Variants in BABAM2 observed in about 807,000 individuals in gnomAD.
The protein encoded by BABAM2 is BRISC and BRCA1 A complex member 2, also known as BRISC and BRCA1-A complex member 2.
Under a neutral mutation model 54.7 loss-of-function variants are expected in BABAM2, and 31 were observed. That is an observed-to-expected ratio of 0.57 (90% CI 0.43 to 0.77). The LOEUF (loss-of-function observed/expected upper bound fraction) is 0.77. Ranked by LOEUF, BABAM2 falls within the 30% of genes least tolerant of loss-of-function variation. The probability of loss-of-function intolerance (pLI) is 0.00; values close to 1 mark genes in which losing one functional copy is unlikely to be tolerated. For missense variants in BABAM2, 364 were observed against 455.8 expected, an observed-to-expected ratio of 0.80 and a Z score of 1.83; for synonymous variants, 167 against 162.9, an observed-to-expected ratio of 1.03 and a Z score of -0.19.
At chr2:28,202,836 T>C (rs1364367540) in intron 7 of BABAM2, among the ~76,000 whole-genome samples, 4 of 152,180 alleles carry the variant, frequency 2.6e-5, no homozygotes, top group African/African-American at 9.7e-5. Flanking sequence ...CTGTAAAACA[T>C]TGCCACAAGG....
At chr2:27,960,668 T>C (rs957341766) in intron 3 of BABAM2, among the ~76,000 whole-genome samples, 1 of 152,146 alleles carries the variant, frequency 6.6e-6, no homozygotes, top group African/African-American at 2.4e-5. Context: ...TTCCAACAAC[T>C]TTCTGAGGGC....
intron 10 of BABAM2, among the ~76,000 whole-genome samples, chr2:28,247,081 CAT>C (rs1460709485): frequency 6.6e-6 from 1 of 152,178 alleles, no homozygotes; most frequent in Non-Finnish European, 1.5e-5. Flanking sequence ...TCTTCAGAAA[CAT>C]AGAACCCCCA....
Position 28,040,294 on chromosome 2 carries a change from C to CTTTTTTTTTTTTTTTTTTTTTTT in BABAM2, c.496-5429_496-5407dup, listed in dbSNP as rs397735161. ...CAGTGCCAGAATGAAAAACTGAATT[C>CTTTTTTTTTTTTTTTTTTTTTTT]TTTTTTTTTTTTTTTTTTTTTTTTG... is the stretch of plus-strand genomic sequence containing the variant. On this transcript the variant is annotated intron_variant, in intron 5 of 11. Coordinates refer to ENST00000379624, the MANE Select transcript of BABAM2 (RefSeq NM_199191.3). Among the ~76,000 whole-genome samples, 111 of 59,486 alleles carry CTTTTTTTTTTTTTTTTTTTTTTT rather than the reference C, an allele frequency of 1.9e-3. 18 individuals are homozygous for CTTTTTTTTTTTTTTTTTTTTTTT. Among genetic ancestry groups the CTTTTTTTTTTTTTTTTTTTTTTT allele is most frequent in the South Asian group, 3.8e-3 (3 of 796 alleles). 39.0% of individuals were successfully genotyped at this position (59,486 alleles called of 152,430 possible).
intron 7 of BABAM2, among the ~76,000 whole-genome samples, chr2:28,207,858 G>A (rs995760033): frequency 2.6e-5 from 4 of 152,016 alleles, no homozygotes; most frequent in Admixed American, 2.0e-4. Flanking sequence ...AATTACTGGT[G>A]TGCTTCTCTG....
intron 10 of BABAM2, among the ~76,000 whole-genome samples, chr2:28,278,551 GTGAGTTTGAATATAT>G (rs1293931605): frequency 2.6e-5 from 4 of 152,098 alleles, no homozygotes; most frequent in South Asian, 2.1e-4. Flanking sequence ...AGGAAAGTGA[GTGAGTTTGAATATAT>G]TGAGTTTGAG....
chr2:28,280,981 A>C (rs1686309105), intron 10 of BABAM2, among the ~76,000 whole-genome samples: 1 of 152,188 alleles, frequency 6.6e-6, no homozygotes, highest in South Asian at 2.1e-4. Flanking sequence ...CAGTGTGGCC[A>C]GGGTTAAGGT....
chr2:28,232,502 CGTT>C (rs1681504459), intron 7 of BABAM2, among the ~76,000 whole-genome samples: 2 of 152,282 alleles, frequency 1.3e-5, no homozygotes, highest in African/African-American at 4.8e-5. Flanking sequence ...GCAGTATTGT[CGTT>C]GTGCAAACAT....
chr2:28,061,399 T>TA (rs1174006234), intron 6 of BABAM2, among the ~76,000 whole-genome samples: 1 of 151,556 alleles, frequency 6.6e-6, no homozygotes, highest in Non-Finnish European at 1.5e-5. Context: ...TCCTGGCTAA[T>TA]ACGGTGAAAC....
At chr2:27,912,292 G>A (rs1392453231) in intron 2 of BABAM2, among the ~76,000 whole-genome samples, 1 of 151,702 alleles carries the variant, frequency 6.6e-6, no homozygotes, top group Non-Finnish European at 1.5e-5. Context: ...TTGGAAGCTT[G>A]AATGACTTTG....
intron 7 of BABAM2, among the ~76,000 whole-genome samples, chr2:28,163,699 A>G (rs1269453979): frequency 6.6e-6 from 1 of 152,238 alleles, no homozygotes. Flanking sequence ...ATCTGTCCCC[A>G]TCTTAACACA....
intron 7 of BABAM2, among the ~76,000 whole-genome samples, chr2:28,177,621 A>G (rs113323003): frequency 0.011 from 1,702 of 152,214 alleles, 6 homozygotes; most frequent in Middle Eastern, 0.024. Context: ...CAAAATGACA[A>G]GAATAAGTCC....
intron 7 of BABAM2, among the ~76,000 whole-genome samples, chr2:28,211,234 G>C (rs1024404701): frequency 6.6e-6 from 1 of 152,138 alleles, no homozygotes; most frequent in Non-Finnish European, 1.5e-5. Flanking sequence ...TCTTCATGTT[G>C]AGTTAGTTGG....
intron 7 of BABAM2, among the ~76,000 whole-genome samples, chr2:28,156,291 T>C (rs1468080602): frequency 6.6e-6 from 1 of 152,218 alleles, no homozygotes; most frequent in Non-Finnish European, 1.5e-5. Flanking sequence ...TGCCCCTTTT[T>C]GTATTTCTAC....
chr2:28,221,169 A>T (rs987329639), intron 7 of BABAM2, among the ~76,000 whole-genome samples: 1 of 147,924 alleles, frequency 6.8e-6, no homozygotes, highest in South Asian at 2.2e-4. Context: ...GACACCAGGC[A>T]GTCCCTTTTC....
chr2:28,303,838 T>A (rs1028870911), intron 11 of BABAM2, among the ~76,000 whole-genome samples: 1 of 152,230 alleles, frequency 6.6e-6, no homozygotes, highest in African/African-American at 2.4e-5. Context: ...CAGAAATTTT[T>A]AAAATATTTC....
intron 4 of BABAM2, among the ~76,000 whole-genome samples, chr2:28,004,723 C>T (rs1446586549): frequency 2.0e-5 from 3 of 149,478 alleles, no homozygotes; most frequent in African/African-American, 2.5e-5. Context: ...TATGGGGTCT[C>T]TGTTGCCTAG....
intron 2 of BABAM2, among the ~76,000 whole-genome samples, chr2:27,924,622 G>C (rs931393685): frequency 1.3e-5 from 2 of 152,174 alleles, no homozygotes; most frequent in African/African-American, 4.8e-5. Flanking sequence ...GACCTCAGGT[G>C]ATCTGCCTGC....
Position 28,298,347 on chromosome 2 carries a change from C to T in BABAM2, c.944C>T (p.Pro315Leu). The change falls in exon 11 of 12, where the codon CCT becomes CTT. Residue 315 changes from proline to leucine, a missense_variant. By Grantham distance (98) the Pro-to-Leu change is moderately conservative. Transcript: ENST00000379624. ...DFCFLVHIDL[P>L]LFFPRDQPTL... ...TCTTCTGTCTTTGCAGTTGACCTGC[C>T]TCTGTTTTTCCCTCGAGACCAGCCA... The T allele has an allele frequency of 6.2e-7, 1 of 1,613,796 alleles. No individual in the cohort carries two copies. The highest frequency in any genetic ancestry group is 8.5e-7 in the Non-Finnish European group (1 of 1,179,868).
intron 7 of BABAM2, among the ~76,000 whole-genome samples, chr2:28,153,725 G>C (rs905040465): frequency 5.9e-5 from 9 of 152,188 alleles, no homozygotes; most frequent in African/African-American, 2.2e-4. Context: ...TACCAAATCA[G>C]AATTTTAGGG....
Sources: allele counts gnomAD v4.1 joint callset (sites outside exome capture counted in the v4.1 genomes callset), GRCh38; gene constraint gnomAD v4.1.1; transcripts MANE v1.5; gene names NCBI Gene and HGNC (gene_info 2026-07-23, HGNC 2026-07-21).